The following MSRA variants were observed in gnomAD, a reference collection of about 807,000 sequenced individuals.
MSRA encodes the protein methionine sulfoxide reductase A, also known as mitochondrial peptide methionine sulfoxide reductase.
A neutral mutation model predicts 31.3 loss-of-function variants in MSRA; 54 were observed. That is an observed-to-expected ratio of 1.73 (90% CI 1.39 to 2.17). The LOEUF is 2.17. Among genes scored for constraint, MSRA ranks in the 30% most tolerant of loss-of-function variants. MSRA has a pLI of 0.00. For missense variants in MSRA, 507 were observed against 300.9 expected, an observed-to-expected ratio of 1.69 and a Z score of -5.07; for synonymous variants, 169 against 116.5, an observed-to-expected ratio of 1.45 and a Z score of -2.90.
intron 5 of MSRA, among the ~76,000 whole-genome samples, chr8:10,334,478 A>G (rs1489677739): frequency 6.6e-6 from 1 of 152,036 alleles, no homozygotes; most frequent in Non-Finnish European, 1.5e-5. Flanking sequence ...TGTGGCGCCA[A>G]GAGTGAAGCA....
intron 1 of MSRA, among the ~76,000 whole-genome samples, chr8:10,170,780 C>G (rs760122993): frequency 3.9e-5 from 6 of 152,154 alleles, no homozygotes; most frequent in Non-Finnish European, 5.9e-5. Flanking sequence ...AACTGAGGGA[C>G]AACTATACTG....
chr8:10,416,430 G>A (rs1364519998), intron 5 of MSRA, among the ~76,000 whole-genome samples: 2 of 152,236 alleles, frequency 1.3e-5, no homozygotes, highest in African/African-American at 2.4e-5. Context: ...CCATCGGGCC[G>A]TGGTGCTCCC....
intron 1 of MSRA, among the ~76,000 whole-genome samples, chr8:10,131,888 A>G (rs1250750391): frequency 6.6e-6 from 1 of 152,220 alleles, no homozygotes; most frequent in African/African-American, 2.4e-5. Context: ...AACATCTCAT[A>G]TTTTATTTAA....
chr8:10,235,488 GAGCAGACTAACAGACCA>G (rs1811864769), intron 2 of MSRA, among the ~76,000 whole-genome samples: 1 of 152,112 alleles, frequency 6.6e-6, no homozygotes, highest in Admixed American at 6.5e-5. Context: ...GGTAGGAAAT[GAGCAGACTAACAGACCA>G]AAAAGTAAAC....
rs537933745 is a variant in MSRA at position 10,066,690 on chromosome 8, G to A, written c.142+12032G>A. Among the ~76,000 whole-genome samples the A allele has an allele frequency of 1.9e-3, 284 of 152,022 alleles. 1 individual carries two copies. Among genetic ancestry groups the A allele is most frequent in the African/African-American group, 6.5e-3 (271 of 41,474 alleles). On this transcript the variant is annotated intron_variant, in intron 1 of 5. Transcript: ENST00000317173. The stretch of plus-strand genomic sequence containing the variant: ...ATGGGATTACAGGCATCCGTCACCA[G>A]ACCTAGCTATTTTTTTGTATTTTTA...
intron 3 of MSRA, among the ~76,000 whole-genome samples, chr8:10,262,196 A>C (rs143481265): frequency 3.7e-4 from 56 of 152,324 alleles, no homozygotes; most frequent in African/African-American, 1.1e-3. Context: ...GTTTGTGTAC[A>C]GGTTTTTATG....
intron 1 of MSRA, among the ~76,000 whole-genome samples, chr8:10,151,279 A>T (rs77620296): frequency 0.56 from 79,549 of 143,300 alleles, 23,335 homozygotes; most frequent in East Asian, 0.97. Context: ...AAAAAAAAAA[A>T]AAAAAAAAAT....
chr8:10,167,972 A>AG (rs1239113910), intron 1 of MSRA, among the ~76,000 whole-genome samples: 6 of 152,186 alleles, frequency 3.9e-5, no homozygotes, highest in African/African-American at 1.4e-4. Flanking sequence ...AAGCTCTGTT[A>AG]GGACTTGGGC....
chr8:10,269,614 A>G (rs1237664848), intron 3 of MSRA, among the ~76,000 whole-genome samples: 1 of 151,504 alleles, frequency 6.6e-6, no homozygotes. Context: ...GCTACCGCTT[A>G]CTCTCTCTTT....
intron 5 of MSRA, among the ~76,000 whole-genome samples, chr8:10,350,673 C>T (rs1167999738): frequency 5.3e-5 from 8 of 152,242 alleles, no homozygotes; most frequent in Non-Finnish European, 7.3e-5. Context: ...GGGCTCATAG[C>T]TGGTTGGCCC....
At chr8:10,296,874 C>T (rs770678239) in intron 3 of MSRA, among the ~76,000 whole-genome samples, 7 of 152,194 alleles carry the variant, frequency 4.6e-5, no homozygotes, top group Non-Finnish European at 8.8e-5. Flanking sequence ...GACTCCTCAC[C>T]ACTACCTGCT....
intron 1 of MSRA, among the ~76,000 whole-genome samples, chr8:10,131,146 G>T (rs376260285): frequency 6.6e-6 from 1 of 152,074 alleles, no homozygotes; most frequent in East Asian, 1.9e-4. Context: ...TCATGTGCTG[G>T]GTCCTGTGGA....
At chr8:10,183,964 A>T (rs946655595) in intron 1 of MSRA, among the ~76,000 whole-genome samples, 5 of 119,878 alleles carry the variant, frequency 4.2e-5, no homozygotes, top group Non-Finnish European at 8.5e-5. Flanking sequence ...ATTGGTAGTG[A>T]TGGTGTTGAC....
At chr8:10,189,972 T>C (rs1408605955) in intron 1 of MSRA, among the ~76,000 whole-genome samples, 1 of 152,202 alleles carries the variant, frequency 6.6e-6, no homozygotes, top group Non-Finnish European at 1.5e-5. Flanking sequence ...TCAGATTTTC[T>C]ATTTCTCGTG....
In MSRA at chr8:10,199,509, G is replaced by A. The variant is rs770152752; in HGVS notation, c.143-8324G>A. Among the ~76,000 whole-genome samples, 20 of 152,168 alleles carry A rather than the reference G, an allele frequency of 1.3e-4. No individual in the cohort carries two copies. The South Asian group carries it at 4.2e-3, about 32-fold the overall frequency. ...TAATTTTTGTATTTTTAGTAGAGAT[G>A]GCGTTTCACCATGTTGGCCAGGATG... On this transcript the variant is annotated intron_variant, in intron 1 of 5. Coordinates refer to ENST00000317173, the MANE Select transcript of MSRA (RefSeq NM_012331.5).
intron 1 of MSRA, among the ~76,000 whole-genome samples, chr8:10,093,097 A>G (rs2128928426): frequency 6.6e-6 from 1 of 152,280 alleles, no homozygotes; most frequent in East Asian, 1.9e-4. Flanking sequence ...TGTCTTTTGT[A>G]GACAGCATAT....
chr8:10,201,332 C>A (rs1224938789), intron 1 of MSRA, among the ~76,000 whole-genome samples: 1 of 152,072 alleles, frequency 6.6e-6, no homozygotes, highest in African/African-American at 2.4e-5. Context: ...TTCTTGATGA[C>A]CGGCAGTTCT....
intron 2 of MSRA, among the ~76,000 whole-genome samples, chr8:10,231,184 G>A (rs923761800): frequency 3.3e-5 from 5 of 151,988 alleles, no homozygotes; most frequent in African/African-American, 1.2e-4. Flanking sequence ...GGGAGCTGAG[G>A]CGGGCGGACA....
At chr8:10,135,940 G>C (rs557511140) in intron 1 of MSRA, among the ~76,000 whole-genome samples, 5 of 152,316 alleles carry the variant, frequency 3.3e-5, no homozygotes, top group African/African-American at 1.2e-4. Flanking sequence ...TGAAGATCCA[G>C]AAGGATCCTT....
Sources: allele counts gnomAD v4.1 joint callset (sites outside exome capture counted in the v4.1 genomes callset), GRCh38; gene constraint gnomAD v4.1.1; transcripts MANE v1.5; gene names NCBI Gene and HGNC (gene_info 2026-07-23, HGNC 2026-07-21).